SMCHD1: variants seen among roughly 807,000 people sequenced by gnomAD.
SMCHD1 encodes the protein structural maintenance of chromosomes flexible hinge domain-containing protein 1.
In SMCHD1, 78 loss-of-function variants were observed where a neutral mutation model predicts 254.7. That is an observed-to-expected ratio of 0.31 (90% CI 0.26 to 0.37). SMCHD1 has a LOEUF of 0.37. SMCHD1 is among the 10% of genes least tolerant of loss of function. The pLI, the probability that SMCHD1 is intolerant of heterozygous loss-of-function variation, is 1.00. For synonymous variants in SMCHD1, 766 were observed against 794.9 expected (o/e 0.96, Z 0.61); for missense variants, 1,840 against 2,408.1 (o/e 0.76, Z 4.94).
At position 2,656,025 on chromosome 18, in the gene SMCHD1, C is replaced by T. The variant is rs577235627; in HGVS notation, c.-51C>T. On this transcript the variant is annotated 5_prime_UTR_variant, in exon 1 of 48. Coordinates refer to ENST00000320876, the MANE Select transcript of SMCHD1 (RefSeq NM_015295.3). ...GCGCCGCGCGGAGCGCGCACCTCAG[C>T]CCTGAGCCCGGCGGCGGCAGGCGTC... 7.7e-7 allele frequency: 1 copy of T among 1,299,982 alleles called. No homozygotes were observed. Among genetic ancestry groups the T allele is most frequent in the Non-Finnish European group, 9.8e-7 (1 of 1,022,090 alleles). 80.5% of individuals were successfully genotyped at this position (1,299,982 alleles called of 1,614,324 possible).
chr18:2,776,280 G>A (rs1265288794), intron 42 of SMCHD1, among the ~76,000 whole-genome samples: 1 of 151,872 alleles, frequency 6.6e-6, no homozygotes, highest in Non-Finnish European at 1.5e-5. Context: ...GCCAGGCTAG[G>A]CGTGATCACA....
intron 30 of SMCHD1, among the ~76,000 whole-genome samples, chr18:2,748,122 T>C (rs1028982479): frequency 7.2e-5 from 11 of 152,150 alleles, no homozygotes; most frequent in East Asian, 5.8e-4. Flanking sequence ...CATACTGATA[T>C]ATTTTAGGGT....
At chr18:2,732,112 G>A (rs1180993060) in intron 24 of SMCHD1, among the ~76,000 whole-genome samples, 153 bp from the exon 25 acceptor site, 4 of 152,192 alleles carry the variant, frequency 2.6e-5, no homozygotes, top group African/African-American at 9.6e-5. Flanking sequence ...ATAAAATACG[G>A]AATTATTAAT....
intron 37 of SMCHD1, among the ~76,000 whole-genome samples, 168 bp from the exon 38 acceptor site, chr18:2,769,526 G>GT (rs2075936039): frequency 6.6e-6 from 1 of 152,188 alleles, no homozygotes; most frequent in Non-Finnish European, 1.5e-5. Flanking sequence ...GTCTTGGGTA[G>GT]TGGTGGTGGT....
intron 23 of SMCHD1, among the ~76,000 whole-genome samples, chr18:2,729,064 C>A (rs950746292): frequency 1.3e-5 from 2 of 151,882 alleles, no homozygotes; most frequent in African/African-American, 2.4e-5. Flanking sequence ...GAAGTTAGTT[C>A]TTTCCTTCCA....
chr18:2,787,124 C>T (rs2076252772), intron 45 of SMCHD1, among the ~76,000 whole-genome samples: 1 of 152,160 alleles, frequency 6.6e-6, no homozygotes, highest in Admixed American at 6.5e-5. Flanking sequence ...CGTCAGGCTG[C>T]TTCCTATCAC....
chr18:2,748,373 T>TGG (rs2075501574), intron 30 of SMCHD1, among the ~76,000 whole-genome samples: 1 of 45,690 alleles, frequency 2.2e-5, no homozygotes, highest in African/African-American at 8.0e-5. Flanking sequence ...TGTGTGTGTG[T>TGG]GTGTGTGTGT....
intron 17 of SMCHD1, among the ~76,000 whole-genome samples, chr18:2,715,520 T>C (rs2143339795): frequency 6.6e-6 from 1 of 152,258 alleles, no homozygotes; most frequent in South Asian, 2.1e-4. Flanking sequence ...CTCACTACTT[T>C]ATATTAGTTT....
intron 3 of SMCHD1, among the ~76,000 whole-genome samples, chr18:2,668,607 C>G (rs902595004): frequency 1.3e-5 from 2 of 151,916 alleles, no homozygotes; most frequent in African/African-American, 4.8e-5. Context: ...ACACTAAAGT[C>G]TTACTTCCTT....
chr18:2,705,725 A>G lies in SMCHD1; in HGVS notation c.1874A>G (p.Tyr625Cys), dbSNP rs1441731584. 6.2e-7 allele frequency: 1 copy of G among 1,600,502 alleles called. No individual in the cohort carries two copies. Reference sequence around the variant, plus strand: ...ACAATCAAGACACTTCCCCTCTTTTATGGAAGCATAGTAAGATTTTTTCTT... The same window carrying G: ...ACAATCAAGACACTTCCCCTCTTTTGTGGAAGCATAGTAAGATTTTTTCTT... Reference protein sequence around the residue: ...VKTIKTLPLFYGSIVRFFLYG... With the variant: ...VKTIKTLPLFCGSIVRFFLYG... Residue 625 changes from tyrosine (Y) to cysteine (C), a missense_variant, in exon 14 of 48, where the codon TAT becomes TGT. Transcript: ENST00000320876.
Position 2,740,772 on chromosome 18 carries a change from C to T in SMCHD1, c.3584C>T (p.Ser1195Leu). The T allele has an allele frequency of 6.2e-7, 1 of 1,611,678 alleles. No individual in the cohort carries two copies. The highest frequency in any genetic ancestry group is 1.3e-5 in the African/African-American group (1 of 74,942). ...TCACCAAGTTCTTTATCTTCTTTGTCAATTGCTGGGGTTGGACTTGATAGC... is the reference window on the plus strand; with the variant it reads ...TCACCAAGTTCTTTATCTTCTTTGTTAATTGCTGGGGTTGGACTTGATAGC... The part of the protein sequence containing the change: ...AFSPSSLSSL[S>L]IAGVGLDSSN... Residue 1195 changes from serine (S) to leucine (L), a missense_variant, in exon 28 of 48, where the codon TCA becomes TTA. Coordinates refer to ENST00000320876, the MANE Select transcript of SMCHD1 (RefSeq NM_015295.3).
intron 17 of SMCHD1, among the ~76,000 whole-genome samples, chr18:2,710,206 A>G (rs1404129151): frequency 6.6e-6 from 1 of 152,202 alleles, no homozygotes; most frequent in African/African-American, 2.4e-5. Flanking sequence ...AGTTGACCAC[A>G]TATGTGAGAA....
rs773281523 is a variant in SMCHD1 at position 2,777,823 on chromosome 18, G to A, written c.5384G>A (p.Arg1795Gln). The change falls in exon 43 of 48, where the codon CGA becomes CAA. Residue 1795 changes from arginine to glutamine, a missense_variant. By Grantham distance (43) the Arg-to-Gln change is conservative. Coordinates refer to ENST00000320876, the MANE Select transcript of SMCHD1 (RefSeq NM_015295.3). ...PDWKRSLPHF[R>Q]NGKLYFKPIG... ...TTATTTAGATCTCTACCTCATTTCC[G>A]AAATGGAAAATTGTATTTTAAACCC... 2.1e-5 allele frequency: 32 copies of A among 1,531,980 alleles called. No individual in the cohort carries two copies. The highest frequency in any genetic ancestry group is 2.5e-5 in the South Asian group (2 of 79,934). The allele number at this position is 1,531,980 out of a possible 1,614,324, so 94.9% of individuals were successfully genotyped here.
Position 2,760,687 on chromosome 18 carries a change from G to A in SMCHD1, c.4382G>A (p.Cys1461Tyr). 1 of 1,601,860 alleles carries A rather than the reference G, an allele frequency of 6.2e-7. No individual in the cohort carries two copies. The highest frequency in any genetic ancestry group is 1.1e-5 in the South Asian group (1 of 90,686). ...KVIPNKVGTY[C>Y]IQFGFMMDKT... ...ATTCCTAATAAAGTGGGGACATATTGTATCCAGTTTGGTTTTATGATGGAT... is the reference window on the plus strand; with the variant it reads ...ATTCCTAATAAAGTGGGGACATATTATATCCAGTTTGGTTTTATGATGGAT... The change falls in exon 35 of 48, where the codon TGT (cysteine) becomes TAT (tyrosine). Residue 1461 changes from cysteine to tyrosine, a missense_variant. Transcript: ENST00000320876.
chr18:2,674,897 T>C (rs557288099), intron 5 of SMCHD1, among the ~76,000 whole-genome samples: 19 of 152,304 alleles, frequency 1.2e-4, no homozygotes, highest in African/African-American at 4.6e-4. Flanking sequence ...TTAATATAGC[T>C]AAAACATTGG....
At position 2,711,163 on chromosome 18, in the gene SMCHD1, A is replaced by G. The variant is rs1180159389; in HGVS notation, c.2260+3243A>G. 4.0e-5 allele frequency among the ~76,000 whole-genome samples: 6 copies of G among 151,434 alleles called. No homozygotes were observed. The East Asian group carries it at 1.2e-3, about 29-fold the overall frequency. On this transcript the variant is annotated intron_variant, in intron 17 of 47. Transcript: ENST00000320876. ...GCTAATTTTTTTTTTTCTTTTTATC[A>G]ATGGATGAGAGTTTTTTAAAAATAT...
intron 47 of SMCHD1, among the ~76,000 whole-genome samples, chr18:2,799,798 ATCT>A (rs997995471): frequency 1.3e-5 from 2 of 151,806 alleles, no homozygotes; most frequent in African/African-American, 4.8e-5. Context: ...TCTTAATCAC[ATCT>A]TCTTCCTCCT....
At chr18:2,681,310 G>T (rs2073918494) in intron 5 of SMCHD1, among the ~76,000 whole-genome samples, 1 of 151,528 alleles carries the variant, frequency 6.6e-6, no homozygotes, top group African/African-American at 2.4e-5. Context: ...CTGCTCAGGA[G>T]GCTGAGACAG....
intron 5 of SMCHD1, among the ~76,000 whole-genome samples, chr18:2,685,091 C>CTTCTTTT (rs1218491094): frequency 1.3e-4 from 6 of 45,742 alleles, no homozygotes; most frequent in East Asian, 9.2e-4. Context: ...TGTTCTGTCC[C>CTTCTTTT]TTATTTTTTT....
Sources: allele counts gnomAD v4.1 joint callset (sites outside exome capture counted in the v4.1 genomes callset), GRCh38; gene constraint gnomAD v4.1.1; transcripts MANE v1.5; gene names NCBI Gene and HGNC (gene_info 2026-07-23, HGNC 2026-07-21).